Variants in TRAPPC9 observed in about 807,000 individuals in gnomAD.
TRAPPC9 encodes IKK2 binding protein.
In TRAPPC9, 83 loss-of-function variants were observed where a neutral mutation model predicts 124.0. The ratio of observed to expected loss-of-function variants is 0.67; its 90% confidence interval spans 0.56 to 0.80. The LOEUF (loss-of-function observed/expected upper bound fraction) is 0.80. Among genes scored for constraint, TRAPPC9 ranks in the 30% least tolerant of loss-of-function variants. The probability of loss-of-function intolerance (pLI) is 0.00; values close to 1 mark genes in which losing one functional copy is unlikely to be tolerated. For missense variants in TRAPPC9, 1,302 were observed against 1,508.3 expected (o/e 0.86, Z 2.27); for synonymous variants, 638 against 617.5 (o/e 1.03, Z -0.49).
At position 140,457,542 on chromosome 8, in the gene TRAPPC9, C is replaced by T. The variant is rs577526046; in HGVS notation, c.-11+97G>A. 2.1e-5 allele frequency: 20 copies of T among 933,724 alleles called. No homozygotes were observed. In the African/African-American group the frequency reaches 3.4e-4, roughly 16 times the overall value. 57.8% of individuals were successfully genotyped at this position (933,724 alleles called of 1,614,324 possible). ...CCGGACAGGTGAGGGCCGGGCGAGCCCCTCCGCGGGACGCGCCGACTCCAC... is the reference window on the plus strand; with the variant it reads ...CCGGACAGGTGAGGGCCGGGCGAGCTCCTCCGCGGGACGCGCCGACTCCAC... On this transcript the variant is annotated intron_variant, in intron 1 of 22. Transcript: ENST00000438773.
intron 21 of TRAPPC9, among the ~76,000 whole-genome samples, chr8:139,819,760 T>A (rs1440370423): frequency 6.6e-6 from 1 of 151,952 alleles, no homozygotes. Context: ...ACATCTGTAA[T>A]CCCAATACTT....
intron 6 of TRAPPC9, among the ~76,000 whole-genome samples, chr8:140,402,916 T>C (rs1468898846): frequency 6.6e-6 from 1 of 152,168 alleles, no homozygotes; most frequent in Non-Finnish European, 1.5e-5. Flanking sequence ...AAAAAATAAA[T>C]TGTATTCTTA....
At chr8:140,176,638 G>A (rs1387044127) in intron 17 of TRAPPC9, among the ~76,000 whole-genome samples, 1 of 152,228 alleles carries the variant, frequency 6.6e-6, no homozygotes, top group Non-Finnish European at 1.5e-5. Flanking sequence ...TCATGTCTTT[G>A]AGTGAATCCG....
chr8:140,326,805 C>T (rs2066750424), intron 9 of TRAPPC9, among the ~76,000 whole-genome samples: 1 of 152,152 alleles, frequency 6.6e-6, no homozygotes, highest in Non-Finnish European at 1.5e-5. Context: ...CACTTGAGCC[C>T]AGGAGGTCAA....
At chr8:140,280,206 G>A (rs1367057844) in intron 14 of TRAPPC9, among the ~76,000 whole-genome samples, 6 of 152,228 alleles carry the variant, frequency 3.9e-5, no homozygotes, top group African/African-American at 7.2e-5. Flanking sequence ...GAGTCTGAGC[G>A]TCTGGCTGTT....
intron 9 of TRAPPC9, among the ~76,000 whole-genome samples, chr8:140,312,776 T>TC (rs1461911349): frequency 1.4e-5 from 2 of 146,990 alleles, no homozygotes; most frequent in Non-Finnish European, 3.0e-5. Context: ...TTTTTTTTTT[T>TC]TGAAACAGGA....
chr8:140,300,437 G>A, intron 11 of TRAPPC9, 32 bp downstream of exon 11: 3 of 1,613,916 alleles, frequency 1.9e-6, no homozygotes, highest in South Asian at 1.1e-5. Flanking sequence ...AGGTGGCAGA[G>A]CACGGTGGGA....
intron 15 of TRAPPC9, among the ~76,000 whole-genome samples, chr8:140,266,352 A>C (rs1326329676): frequency 1.3e-5 from 2 of 151,888 alleles, no homozygotes; most frequent in Admixed American, 1.3e-4. Context: ...AGTCCCAGCT[A>C]CTTGGAACGC....
chr8:139,920,266 G>A (rs7008355), intron 19 of TRAPPC9, among the ~76,000 whole-genome samples: 102,019 of 152,196 alleles, frequency 0.67, 36,015 homozygotes, highest in African/African-American at 0.92. Flanking sequence ...GAATAACCTG[G>A]ACTCAGGAGG....
rs960266215 is a variant in TRAPPC9, at chr8:140,443,228, G to T, written c.585-4031C>A. On this transcript the variant is annotated intron_variant, in intron 2 of 22. Coordinates refer to ENST00000438773, the MANE Select transcript of TRAPPC9 (RefSeq NM_001160372.4). ...AGGCGGGCAGATCACAAAGTCAGGA[G>T]ATCGAGACCATCCTGGCTAACATGA... Among the ~76,000 whole-genome samples, 8 of 148,070 alleles carry T rather than the reference G, an allele frequency of 5.4e-5. No homozygotes were observed. The Admixed American group carries it at 5.5e-4, about 10-fold the overall frequency.
chr8:140,397,644 A>G lies in TRAPPC9; in HGVS notation c.1110T>C (p.Asn370=), dbSNP rs1452132571. ...CCTGTCGAAGGTTAATGTAAACTGC[A>G]TTCTGAAGAAATTCTGATGCTTCCA... is the stretch of plus-strand genomic sequence containing the variant. ...RSMEASEFLQ[N]AVYINLRQLS... Residue 370 remains asparagine (N), a synonymous_variant, in exon 7 of 23, where the codon AAT becomes AAC. Transcript: ENST00000438773. 15 of 1,614,210 alleles carry G rather than the reference A, an allele frequency of 9.3e-6. No individual in the cohort carries two copies. The highest frequency in any genetic ancestry group is 2.7e-5 in the African/African-American group (2 of 75,062).
chr8:140,050,706 G>C (rs1841935881), intron 17 of TRAPPC9, among the ~76,000 whole-genome samples: 1 of 152,174 alleles, frequency 6.6e-6, no homozygotes, highest in Non-Finnish European at 1.5e-5. Context: ...GAGATGGAGA[G>C]ATGGGGGCTG....
chr8:139,810,353 GAGTGGC>G (rs1397106977), intron 21 of TRAPPC9, among the ~76,000 whole-genome samples: 1 of 152,210 alleles, frequency 6.6e-6, no homozygotes, highest in African/African-American at 2.4e-5. Context: ...AATGGGTGCA[GAGTGGC>G]AGCTGAACGA....
chr8:140,088,421 G>A (rs1282756827), intron 17 of TRAPPC9, among the ~76,000 whole-genome samples: 1 of 152,198 alleles, frequency 6.6e-6, no homozygotes, highest in Non-Finnish European at 1.5e-5. Flanking sequence ...ACTTGGGAAT[G>A]GAAAAGTTGT....
At chr8:139,751,991 C>T (rs564888223) in intron 21 of TRAPPC9, among the ~76,000 whole-genome samples, 12 of 150,778 alleles carry the variant, frequency 8.0e-5, no homozygotes, top group Non-Finnish European at 1.2e-4. Context: ...CATCTTTGTC[C>T]GTCTACCATC....
At position 140,360,161 on chromosome 8, in the gene TRAPPC9, G is replaced by C. The variant is rs756486265; in HGVS notation, c.1384C>G (p.Arg462Gly). ...THRGWAAVQMRLLHELVYASR... is the reference protein window; with the variant it reads ...THRGWAAVQMGLLHELVYASR... ...GCGTAGACCAATTCATGGAGCAAACGCATCTGGACCGCAGCCCAGCCTCTG... is the reference window on the plus strand; with the variant it reads ...GCGTAGACCAATTCATGGAGCAAACCCATCTGGACCGCAGCCCAGCCTCTG... Residue 462 changes from arginine to glycine, a missense_variant, in exon 9 of 23, where the codon CGT (arginine) becomes GGT (glycine). By Grantham distance (125) the Arg-to-Gly change is moderately radical (BLOSUM62 -2). Around this residue, in one of 3 missense-constraint regions of TRAPPC9, gnomAD observed 657 missense variants for 811.2 expected, o/e 0.81. Transcript: ENST00000438773. 1.2e-6 allele frequency: 2 copies of C among 1,614,088 alleles called. No individual in the cohort carries two copies. Among genetic ancestry groups the C allele is most frequent in the Non-Finnish European group, 1.7e-6 (2 of 1,180,050 alleles).
intron 17 of TRAPPC9, among the ~76,000 whole-genome samples, chr8:140,172,691 C>T (rs1371466618): frequency 6.6e-6 from 1 of 152,158 alleles, no homozygotes; most frequent in Non-Finnish European, 1.5e-5. Flanking sequence ...GTGCTAAATG[C>T]TTTGAGTTTA....
At chr8:140,280,490 G>A (rs1178352285) in intron 14 of TRAPPC9, among the ~76,000 whole-genome samples, 2 of 151,932 alleles carry the variant, frequency 1.3e-5, no homozygotes, top group African/African-American at 4.8e-5. Context: ...GTGTAATGTC[G>A]CGATCTCGGC....
At chr8:139,777,468 A>G (rs911737555) in intron 21 of TRAPPC9, among the ~76,000 whole-genome samples, 3 of 152,254 alleles carry the variant, frequency 2.0e-5, no homozygotes, top group African/African-American at 7.2e-5. Flanking sequence ...TTTGTAGGGC[A>G]TTGTAGAGGC....
Sources: allele counts gnomAD v4.1 joint callset (sites outside exome capture counted in the v4.1 genomes callset), GRCh38; gene constraint gnomAD v4.1.1; regional missense constraint gnomAD v4.1.1; transcripts MANE v1.5; gene names NCBI Gene and HGNC (gene_info 2026-07-23, HGNC 2026-07-21).